The following RIT2 variants were observed in gnomAD, a reference collection of about 807,000 sequenced individuals.
RIT2 encodes Ras like without CAAX 2.
Under a neutral mutation model 23.7 loss-of-function variants are expected in RIT2, and 24 were observed. The ratio of observed to expected loss-of-function variants is 1.01; its 90% CI spans 0.73 to 1.43. The LOEUF is 1.43. RIT2 is among the 40% of genes most tolerant of loss of function. The probability of loss-of-function intolerance (pLI) is 0.00; values close to 1 mark genes in which losing one functional copy is unlikely to be tolerated. For synonymous variants in RIT2, 107 were observed against 91.1 expected, an observed-to-expected ratio of 1.17 and a Z score of -0.99; for missense variants, 236 against 266.9, an observed-to-expected ratio of 0.88 and a Z score of 0.81.
At chr18:42,952,789 T>C (rs1479978695) in intron 3 of RIT2, among the ~76,000 whole-genome samples, 2 of 152,096 alleles carry the variant, frequency 1.3e-5, no homozygotes, top group Admixed American at 1.3e-4. Context: ...AAGAATAATT[T>C]AGGCCACCAC....
At chr18:43,065,480 T>A (rs1912751374) in intron 1 of RIT2, among the ~76,000 whole-genome samples, 1 of 152,132 alleles carries the variant, frequency 6.6e-6, no homozygotes, top group East Asian at 1.9e-4. Context: ...TTTCTGTTTT[T>A]ATTTTTATTT....
intron 4 of RIT2, among the ~76,000 whole-genome samples, chr18:42,916,721 A>G (rs1908918677): frequency 6.6e-6 from 1 of 152,102 alleles, no homozygotes; most frequent in Admixed American, 6.6e-5. Flanking sequence ...TGTGACATAC[A>G]CTGTGCTAGA....
At chr18:42,965,686 GGTAAACAA>G (rs1910200712) in intron 3 of RIT2, among the ~76,000 whole-genome samples, 1 of 128,000 alleles carries the variant, frequency 7.8e-6, no homozygotes, top group Admixed American at 8.6e-5. Context: ...AAAATATGGT[GGTAAACAA>G]AGATGTGTAC....
At chr18:42,984,306 T>C (rs1249943149) in intron 2 of RIT2, among the ~76,000 whole-genome samples, 1 of 152,072 alleles carries the variant, frequency 6.6e-6, no homozygotes, top group East Asian at 1.9e-4. Context: ...AAACAGCCAA[T>C]CTTTATTGGT....
intron 4 of RIT2, among the ~76,000 whole-genome samples, chr18:42,837,740 T>C (rs1906657308): frequency 6.6e-6 from 1 of 152,294 alleles, no homozygotes; most frequent in South Asian, 2.1e-4. Context: ...GTTTGAGCCA[T>C]TAAGCCAATT....
At chr18:42,778,854 A>C (rs775459520) in intron 4 of RIT2, among the ~76,000 whole-genome samples, 2 of 152,172 alleles carry the variant, frequency 1.3e-5, no homozygotes, top group Non-Finnish European at 2.9e-5. Context: ...GGCACACACA[A>C]AAAAAGAGGC....
At chr18:42,806,110 T>C (rs1330530804) in intron 4 of RIT2, among the ~76,000 whole-genome samples, 1 of 140,698 alleles carries the variant, frequency 7.1e-6, no homozygotes, top group African/African-American at 2.9e-5. Context: ...AATATATATA[T>C]ATATATATAT....
chr18:42,932,775 C>T (rs1238968849), intron 3 of RIT2, among the ~76,000 whole-genome samples: 2 of 152,094 alleles, frequency 1.3e-5, no homozygotes, highest in Non-Finnish European at 2.9e-5. Context: ...ATCCCTTCTA[C>T]ATCACATGGG....
At chr18:42,809,518 G>C (rs1598662875) in intron 4 of RIT2, among the ~76,000 whole-genome samples, 1 of 152,004 alleles carries the variant, frequency 6.6e-6, no homozygotes, top group African/African-American at 2.4e-5. Flanking sequence ...CCACTTGGAT[G>C]AATGTTCAAC....
rs571984350 is a variant in RIT2 at position 42,817,661 on chromosome 18, G to T, written c.427-73941C>A. Among the ~76,000 whole-genome samples the T allele has an allele frequency of 1.2e-4, 18 of 152,180 alleles. No homozygotes were observed. The South Asian group carries it at 1.2e-3, about 11-fold the overall frequency. Reference sequence around the variant, plus strand: ...TTGAGAATTGGAGTTTGGTCCAGGGGAAGGAGGGAGGACTTTAGGGCCAAT... The same window carrying T: ...TTGAGAATTGGAGTTTGGTCCAGGGTAAGGAGGGAGGACTTTAGGGCCAAT... On this transcript the variant is annotated intron_variant, in intron 4 of 4. Transcript: ENST00000326695.
At chr18:42,882,525 A>C (rs375267173) in intron 4 of RIT2, among the ~76,000 whole-genome samples, 2 of 152,176 alleles carry the variant, frequency 1.3e-5, no homozygotes, top group African/African-American at 4.8e-5. Flanking sequence ...CTTTACACAA[A>C]ATCTACTGGT....
intron 1 of RIT2, among the ~76,000 whole-genome samples, chr18:43,062,190 G>A (rs1281135813): frequency 6.6e-6 from 1 of 152,034 alleles, no homozygotes; most frequent in African/African-American, 2.4e-5. Context: ...GAGCCACTAT[G>A]CAGATACTCA....
chr18:42,863,375 C>G (rs1346089138), intron 4 of RIT2, among the ~76,000 whole-genome samples: 1 of 152,074 alleles, frequency 6.6e-6, no homozygotes, highest in Non-Finnish European at 1.5e-5. Context: ...TCAAAGGACC[C>G]TTAACCTTAA....
At chr18:42,950,621 A>G (rs1909827787) in intron 3 of RIT2, among the ~76,000 whole-genome samples, 1 of 152,114 alleles carries the variant, frequency 6.6e-6, no homozygotes, top group Non-Finnish European at 1.5e-5. Flanking sequence ...ACAGAATAGG[A>G]AAAAATATTC....
At chr18:42,902,300 A>AT (rs1292401638) in intron 4 of RIT2, among the ~76,000 whole-genome samples, 6 of 151,562 alleles carry the variant, frequency 4.0e-5, no homozygotes, top group South Asian at 4.1e-4. Flanking sequence ...TGCCTATAAC[A>AT]TTTTTTTTAA....
intron 4 of RIT2, among the ~76,000 whole-genome samples, chr18:42,863,750 AG>A (rs938457725): frequency 6.6e-6 from 1 of 152,146 alleles, no homozygotes; most frequent in Non-Finnish European, 1.5e-5. Flanking sequence ...GTATTTTAGC[AG>A]TGCAAAAGCT....
chr18:42,944,932 C>G (rs1267812798), intron 3 of RIT2, among the ~76,000 whole-genome samples: 3 of 152,050 alleles, frequency 2.0e-5, no homozygotes, highest in African/African-American at 4.8e-5. Context: ...TCTGGAAAGT[C>G]TCTCTGCATT....
At chr18:43,087,812 T>A (rs1245325549) in intron 1 of RIT2, among the ~76,000 whole-genome samples, 2 of 152,088 alleles carry the variant, frequency 1.3e-5, no homozygotes, top group African/African-American at 2.4e-5. Context: ...GTCCTTGGTG[T>A]GGTTGTCTAG....
intron 4 of RIT2, among the ~76,000 whole-genome samples, chr18:42,917,876 A>T (rs1908952655): frequency 6.6e-6 from 1 of 151,976 alleles, no homozygotes; most frequent in Non-Finnish European, 1.5e-5. Context: ...TTTTAGAGAG[A>T]CCATCTTGAC....
Sources: allele counts gnomAD v4.1 joint callset (sites outside exome capture counted in the v4.1 genomes callset), GRCh38; gene constraint gnomAD v4.1.1; transcripts MANE v1.5; gene names NCBI Gene and HGNC (gene_info 2026-07-23, HGNC 2026-07-21).